Variants in MTUS1 observed in about 807,000 individuals in gnomAD.
MTUS1 encodes the protein microtubule-associated tumor suppressor 1.
Under a neutral mutation model 120.8 loss-of-function variants are expected in MTUS1, and 109 were observed. The ratio of observed to expected loss-of-function variants is 0.90; its 90% CI spans 0.77 to 1.06. The LOEUF (loss-of-function observed/expected upper bound fraction) is 1.06. MTUS1 is among the 50% of genes least tolerant of loss of function. MTUS1 has a pLI of 0.00. For synonymous variants in MTUS1, 737 were observed against 550.5 expected (o/e 1.34, Z -4.74); for missense variants, 2,210 against 1,486.3 (o/e 1.49, Z -8.01).
chr8:17,759,553 G>A (rs937647955), intron 1 of MTUS1, among the ~76,000 whole-genome samples: 2 of 148,776 alleles, frequency 1.3e-5, no homozygotes, highest in African/African-American at 4.9e-5. Flanking sequence ...TTTAAAAAGG[G>A]GGCAGGATTC....
At chr8:17,776,645 C>T (rs1240237622) in intron 1 of MTUS1, among the ~76,000 whole-genome samples, 1 of 133,496 alleles carries the variant, frequency 7.5e-6, no homozygotes, top group Non-Finnish European at 1.5e-5. Context: ...CACCACGGCA[C>T]TCCAGCCTGG....
At chr8:17,677,743 T>C (rs1379893068) in intron 7 of MTUS1, among the ~76,000 whole-genome samples, 4 of 152,170 alleles carry the variant, frequency 2.6e-5, no homozygotes, top group East Asian at 1.9e-4. Context: ...CAGGAAAACC[T>C]TGAGGTCATC....
chr8:17,770,482 C>T (rs1047989383), intron 1 of MTUS1: 1 of 152,198 alleles, frequency 6.6e-6, no homozygotes, highest in East Asian at 1.9e-4. Flanking sequence ...CAAGAGATGT[C>T]TTATTCGAGT....
rs1436545315 is a variant in MTUS1 at position 17,755,282 on chromosome 8, G to A, written c.526C>T (p.His176Tyr). The A allele has an allele frequency of 2.5e-6, 4 of 1,614,190 alleles. No homozygotes were observed. The highest frequency in any genetic ancestry group is 1.7e-5 in the Admixed American group (1 of 60,022). ...DKVNCTFISH[H>Y]AIGKSQSFHT... ...AAGGACTGACTCTTTCCGATGGCAT[G>A]ATGTGATATAAAGGTGCAGTTAACT... The change falls in exon 2 of 15, where the codon CAT (histidine) becomes TAT (tyrosine). Residue 176 changes from histidine to tyrosine, a missense_variant. By Grantham distance (83) the His-to-Tyr change is moderately conservative (BLOSUM62 2). Coordinates refer to ENST00000693296, the MANE Select transcript of MTUS1 (RefSeq NM_001363059.2).
intron 6 of MTUS1, among the ~76,000 whole-genome samples, chr8:17,697,062 G>A (rs1288516843): frequency 1.3e-5 from 2 of 152,192 alleles, no homozygotes; most frequent in African/African-American, 2.4e-5. Flanking sequence ...AACACAATCT[G>A]CTGCCAAAAG....
chr8:17,702,607 C>A (rs1018094825), intron 6 of MTUS1, among the ~76,000 whole-genome samples: 1 of 152,198 alleles, frequency 6.6e-6, no homozygotes, highest in Non-Finnish European at 1.5e-5. Flanking sequence ...TAGATGCCTC[C>A]TATAAGTGGA....
chr8:17,699,035 A>C (rs180793146), intron 6 of MTUS1, among the ~76,000 whole-genome samples: 236 of 152,266 alleles, frequency 1.5e-3, no homozygotes, highest in Admixed American at 5.8e-3. Flanking sequence ...CTACCTCCCA[A>C]AACCTTGTAA....
chr8:17,688,004 C>T (rs1174808696), intron 6 of MTUS1, among the ~76,000 whole-genome samples: 2 of 152,146 alleles, frequency 1.3e-5, no homozygotes, highest in Non-Finnish European at 2.9e-5. Context: ...CTAACCGTAA[C>T]CACATACTAG....
At chr8:17,749,923 T>A (rs2048058766) in intron 2 of MTUS1, among the ~76,000 whole-genome samples, 3 of 151,820 alleles carry the variant, frequency 2.0e-5, no homozygotes, top group Non-Finnish European at 2.9e-5. Context: ...ATAAATCTCT[T>A]CAAATATATT....
At chr8:17,651,065 G>A (rs573926927) in intron 12 of MTUS1, among the ~76,000 whole-genome samples, 25 of 152,240 alleles carry the variant, frequency 1.6e-4, no homozygotes, top group South Asian at 6.2e-4. Context: ...CGGGTTAAGC[G>A]CCCTACTCAG....
chr8:17,759,641 T>C (rs1308055274), intron 1 of MTUS1, among the ~76,000 whole-genome samples: 1 of 137,636 alleles, frequency 7.3e-6, no homozygotes, highest in East Asian at 2.5e-4. Context: ...TATATTTATA[T>C]ATAAAAATAC....
At chr8:17,706,795 A>G (rs900465230) in intron 6 of MTUS1, among the ~76,000 whole-genome samples, 1 of 152,208 alleles carries the variant, frequency 6.6e-6, no homozygotes, top group Admixed American at 6.5e-5. Flanking sequence ...AAGTAGTTAA[A>G]TGTTACTGTA....
At chr8:17,769,899 CACACACACACACACACACACACACACACG>C (rs1246720766) in intron 1 of MTUS1, among the ~76,000 whole-genome samples, 1 of 112,744 alleles carries the variant, frequency 8.9e-6, no homozygotes, top group Non-Finnish European at 1.8e-5. Flanking sequence ...CACACACACA[CACACACACACACACACACACACACACACG>C]GGGGGGGTTG....
At chr8:17,722,037 C>T in intron 4 of MTUS1, 1 of 1,320,748 alleles carries the variant, frequency 7.6e-7, no homozygotes, top group Non-Finnish European at 9.6e-7. Flanking sequence ...CTACACAAAA[C>T]AGATTAAACC....
At chr8:17,682,730 A>G (rs1323096080) in intron 7 of MTUS1, among the ~76,000 whole-genome samples, 3 of 152,130 alleles carry the variant, frequency 2.0e-5, no homozygotes, top group African/African-American at 7.2e-5. Flanking sequence ...ATAATAAAAT[A>G]AAATAATTGG....
chr8:17,736,236 T>G (rs899593623), intron 3 of MTUS1, among the ~76,000 whole-genome samples: 3 of 152,182 alleles, frequency 2.0e-5, no homozygotes, highest in African/African-American at 7.2e-5. Flanking sequence ...GATCAAGCAT[T>G]TACAAGTGAT....
chr8:17,707,125 G>A (rs1008110865), intron 6 of MTUS1, among the ~76,000 whole-genome samples: 2 of 152,162 alleles, frequency 1.3e-5, no homozygotes, highest in African/African-American at 2.4e-5. Context: ...AATGTCTTCT[G>A]TATCAGCTAA....
chr8:17,738,849 T>C (rs2047109588), intron 3 of MTUS1, among the ~76,000 whole-genome samples: 1 of 152,012 alleles, frequency 6.6e-6, no homozygotes, highest in South Asian at 2.1e-4. Flanking sequence ...TTAAAAAAAT[T>C]AAACGTTAGC....
rs1423294915 is a variant in MTUS1, at chr8:17,654,637, G to A, written c.3138C>T (p.Thr1046=). The change falls in exon 10 of 15, where the codon ACC becomes ACT. Residue 1046 remains threonine (T), a synonymous_variant. Transcript: ENST00000693296. Reference sequence around the variant, plus strand: ...GGCTAGCTTCAATTTCCAACTTAGAGGTTTCATGCGCAGCATTTAAGTTGT... The same window carrying A: ...GGCTAGCTTCAATTTCCAACTTAGAAGTTTCATGCGCAGCATTTAAGTTGT... The part of the protein sequence containing the change: ...QFDNLNAAHE[T]SKLEIEASHS... The A allele has an allele frequency of 9.9e-6, 16 of 1,613,942 alleles. No homozygotes were observed. The Admixed American group carries it at 2.7e-4, about 27-fold the overall frequency.
Sources: allele counts gnomAD v4.1 joint callset (sites outside exome capture counted in the v4.1 genomes callset), GRCh38; gene constraint gnomAD v4.1.1; transcripts MANE v1.5; gene names NCBI Gene and HGNC (gene_info 2026-07-23, HGNC 2026-07-21).